ACBD5: variants seen among roughly 807,000 people sequenced by gnomAD.
ACBD5 encodes acyl-CoA binding domain containing 5.
Under a neutral mutation model 71.8 loss-of-function variants are expected in ACBD5, and 40 were observed. The observed-to-expected ratio is 0.56, with a 90% confidence interval of 0.43 to 0.72. ACBD5 has a LOEUF of 0.72. Among genes scored for constraint, ACBD5 ranks in the 30% least tolerant of loss-of-function variants. The pLI, the probability that ACBD5 is intolerant of heterozygous loss-of-function variation, is 0.00. For synonymous variants in ACBD5, 229 were observed against 218.6 expected (o/e 1.05, Z -0.42); for missense variants, 559 against 644.5 (o/e 0.87, Z 1.44).
chr10:27,211,259 G>C (rs1306029168), intron 8 of ACBD5, among the ~76,000 whole-genome samples, 178 bp from the exon 9 acceptor site: 1 of 152,176 alleles, frequency 6.6e-6, no homozygotes, highest in Non-Finnish European at 1.5e-5. Flanking sequence ...CTGCAGGGAA[G>C]AAATAGGACA....
chr10:27,228,576 CA>C (rs1200555034), intron 4 of ACBD5, among the ~76,000 whole-genome samples: 85 of 142,146 alleles, frequency 6.0e-4, no homozygotes, highest in Middle Eastern at 7.2e-3. Context: ...GACTCCGTCT[CA>C]AAAAAAAAAG....
chr10:27,232,645 C>T (rs1007478135), intron 3 of ACBD5, among the ~76,000 whole-genome samples: 2 of 151,982 alleles, frequency 1.3e-5, no homozygotes, highest in Non-Finnish European at 2.9e-5. Context: ...TTTAAATGAA[C>T]AGACATTTTG....
intron 13 of ACBD5, chr10:27,186,665 T>A: frequency 3.4e-6 from 3 of 871,590 alleles, no homozygotes; most frequent in African/African-American, 1.6e-5. Context: ...GCTTTTAATG[T>A]ACGTTACAGC....
chr10:27,205,757 C>T (rs555262611), intron 10 of ACBD5, among the ~76,000 whole-genome samples: 123 of 151,614 alleles, frequency 8.1e-4, no homozygotes, highest in Middle Eastern at 3.4e-3. Context: ...CTCGAACTCC[C>T]GACCTCAGGT....
chr10:27,194,792 T>C (rs1188683225), downstream of ACBD5, among the ~76,000 whole-genome samples: 1 of 151,606 alleles, frequency 6.6e-6, no homozygotes, highest in African/African-American at 2.4e-5. Flanking sequence ...GGTCAAGAGA[T>C]GGAAACCATC....
chr10:27,193,944 A>G (rs781725461), downstream of ACBD5, among the ~76,000 whole-genome samples: 1 of 152,220 alleles, frequency 6.6e-6, no homozygotes, highest in African/African-American at 2.4e-5. Context: ...TACAAGTCAT[A>G]GATGGGTATT....
At chr10:27,185,111 A>G (rs183920202) in intron 13 of ACBD5, among the ~76,000 whole-genome samples, 17 of 152,336 alleles carry the variant, frequency 1.1e-4, no homozygotes, top group African/African-American at 3.8e-4. Flanking sequence ...TGAAGTCACC[A>G]TGAAGGATAA....
At chr10:27,225,761 A>G (rs2062933966) in intron 4 of ACBD5, among the ~76,000 whole-genome samples, 1 of 152,134 alleles carries the variant, frequency 6.6e-6, no homozygotes, top group African/African-American at 2.4e-5. Flanking sequence ...CAGAGAAATA[A>G]TTCAAACATA....
chr10:27,231,708 G>A (rs771592068), intron 4 of ACBD5, 40 bp downstream of exon 4: 1 of 1,567,382 alleles, frequency 6.4e-7, no homozygotes, highest in Non-Finnish European at 8.8e-7. Context: ...AATTAGAGCT[G>A]CTCTGAATTT....
At chr10:27,207,006 G>A (rs774392955) in intron 10 of ACBD5, among the ~76,000 whole-genome samples, 6 of 151,772 alleles carry the variant, frequency 4.0e-5, no homozygotes, top group African/African-American at 7.3e-5. Flanking sequence ...GGCCGGGCAC[G>A]GTGGCTCACG....
At chr10:27,199,213 G>T (rs2059668193) in intron 12 of ACBD5, among the ~76,000 whole-genome samples, 1 of 151,106 alleles carries the variant, frequency 6.6e-6, no homozygotes. Flanking sequence ...TTTTGAGATG[G>T]AGTCTCGCTC....
chr10:27,212,004 A>G (rs1030717587), intron 8 of ACBD5, among the ~76,000 whole-genome samples: 4 of 152,068 alleles, frequency 2.6e-5, no homozygotes, highest in Non-Finnish European at 5.9e-5. Context: ...AAACAGAGAG[A>G]AGGCCAGGGT....
chr10:27,206,987 T>C (rs768047490), intron 10 of ACBD5, among the ~76,000 whole-genome samples: 7 of 151,540 alleles, frequency 4.6e-5, no homozygotes, highest in Non-Finnish European at 1.0e-4. Flanking sequence ...TAATAATATG[T>C]AACTGAGAGG....
chr10:27,240,843 G>GACCCACTGGCGCCGCCGCCGCCGCAGC (rs2065414571), upstream of ACBD5: 7 of 1,193,096 alleles, frequency 5.9e-6, no homozygotes, highest in South Asian at 8.0e-5. The surrounding 1 kb of genome is among the most constrained non-coding windows in gnomAD (Gnocchi z 4.1). Flanking sequence ...GTCACCGGAG[G>GACCCACTGGCGCCGCCGCCGCCGCAGC]ACCCACTGGC....
chr10:27,212,691 T>C (rs80269958), intron 8 of ACBD5, among the ~76,000 whole-genome samples: 10,584 of 150,880 alleles, frequency 0.07, 687 homozygotes, highest in African/African-American at 0.17. Context: ...CCATCCTCCC[T>C]GAGTAGCTAC....
At chr10:27,188,982 C>A (rs1462087892) in intron 13 of ACBD5, among the ~76,000 whole-genome samples, 1 of 152,218 alleles carries the variant, frequency 6.6e-6, no homozygotes, top group African/African-American at 2.4e-5. Context: ...AGTTAAGAAG[C>A]AGCAAACTGA....
chr10:27,234,184 C>G (rs914899133), intron 3 of ACBD5, among the ~76,000 whole-genome samples: 1 of 152,170 alleles, frequency 6.6e-6, no homozygotes, highest in Admixed American at 6.5e-5. Context: ...ACTGGGAAAA[C>G]AGCACGGATG....
chr10:27,233,701 G>A (rs909226241), intron 3 of ACBD5, among the ~76,000 whole-genome samples: 1 of 151,420 alleles, frequency 6.6e-6, no homozygotes, highest in Non-Finnish European at 1.5e-5. Context: ...CTGAGTGATG[G>A]GAGTGAGACC....
intron 7 of ACBD5, 59 bp from the exon 8 acceptor site, chr10:27,215,700 T>A: frequency 7.9e-7 from 1 of 1,267,514 alleles, no homozygotes; most frequent in Non-Finnish European, 1.1e-6. Context: ...AAAAACAAAT[T>A]TATTCCTTTG....
Sources: allele counts gnomAD v4.1 joint callset (sites outside exome capture counted in the v4.1 genomes callset), GRCh38; gene constraint gnomAD v4.1.1; non-coding constraint Gnocchi (gnomAD v3.1); transcripts MANE v1.5; gene names NCBI Gene and HGNC (gene_info 2026-07-23, HGNC 2026-07-21).